Variants in PTPRA observed in about 807,000 individuals in gnomAD.
PTPRA encodes the protein protein tyrosine phosphatase receptor type A, also known as receptor-type tyrosine-protein phosphatase alpha.
PTPRA carries 25 observed loss-of-function variants against 104.8 expected under a neutral mutation model. That is an observed-to-expected ratio of 0.24 (90% CI 0.17 to 0.33). The LOEUF (loss-of-function observed/expected upper bound fraction) is 0.33. Ranked by LOEUF, PTPRA falls within the 10% of genes least tolerant of loss-of-function variation. The probability of loss-of-function intolerance (pLI) is 1.00; values close to 1 mark genes in which losing one functional copy is unlikely to be tolerated. For missense variants in PTPRA, 765 were observed against 1,015.3 expected (o/e 0.75, Z 3.35); for synonymous variants, 323 against 368.9 (o/e 0.88, Z 1.43).
rs1431575291 is a variant in PTPRA, at chr20:3,038,253, GCTT to G, written c.*123_*125del. 3 of 929,792 alleles carry G rather than the reference GCTT, an allele frequency of 3.2e-6. No homozygotes were observed. The highest frequency in any genetic ancestry group is 4.9e-6 in the Non-Finnish European group (3 of 610,434). The allele number at this position is 929,792 out of a possible 1,614,324, so 57.6% of individuals were successfully genotyped here. ...AACTGTTTTAGAAATTGGTACATAG[GCTT>G]CTATTACCTATTAGGTGGAAATTTT... On this transcript the variant is annotated 3_prime_UTR_variant, in exon 24 of 24. Coordinates refer to ENST00000399903, the MANE Select transcript of PTPRA (RefSeq NM_001385305.1).
intron 9 of PTPRA, among the ~76,000 whole-genome samples, chr20:2,996,803 T>C (rs2148221390): frequency 6.6e-6 from 1 of 152,302 alleles, no homozygotes; most frequent in Non-Finnish European, 1.5e-5. Flanking sequence ...TTTAAAAAGC[T>C]TTATATCAAA....
At chr20:3,036,321 A>G (rs2065798242) in intron 22 of PTPRA, among the ~76,000 whole-genome samples, 2 of 152,160 alleles carry the variant, frequency 1.3e-5, no homozygotes, top group African/African-American at 4.8e-5. Context: ...TTGAGGGGAA[A>G]AGTTGAATTT....
At chr20:2,995,482 G>A (rs1386459996) in intron 9 of PTPRA, among the ~76,000 whole-genome samples, 4 of 152,160 alleles carry the variant, frequency 2.6e-5, no homozygotes, top group African/African-American at 7.2e-5. Context: ...TTGCATTCTG[G>A]TAATGTGTGG....
At chr20:2,955,779 CA>C (rs1054063159) in intron 3 of PTPRA, 6 of 686,240 alleles carry the variant, frequency 8.7e-6, no homozygotes, top group Non-Finnish European at 1.1e-5. Flanking sequence ...CTGGCTAGCT[CA>C]TTGCTGCTTT....
the PTPRA span, chr20:2,866,603 G>A: frequency 1.2e-6 from 2 of 1,611,854 alleles, no homozygotes; most frequent in African/African-American, 2.7e-5. Flanking sequence ...CTCAAGCAAG[G>A]GGTTCCTCCC....
chr20:2,904,634 T>C (rs528372334), intron 1 of PTPRA, among the ~76,000 whole-genome samples: 1 of 148,068 alleles, frequency 6.8e-6, no homozygotes, highest in African/African-American at 2.5e-5. Flanking sequence ...CACCACTGCA[T>C]TCTAGCCTGG....
chr20:3,006,505 A>G lies in PTPRA; in HGVS notation c.830-839A>G, dbSNP rs150498096. Among the ~76,000 whole-genome samples the G allele has an allele frequency of 1.8e-4, 28 of 152,364 alleles. 1 individual carries two copies. The highest frequency in any genetic ancestry group is 6.7e-4 in the African/African-American group (28 of 41,590). On this transcript the variant is annotated intron_variant, in intron 10 of 23. Coordinates refer to ENST00000399903, the MANE Select transcript of PTPRA (RefSeq NM_001385305.1). ...CTAAAAATTTTATATTTCAGGGTAT[A>G]TCATACATTAGCATATGTGCATAAT...
chr20:2,867,537 TG>T, the PTPRA span, among the ~76,000 whole-genome samples: 2 of 148,530 alleles, frequency 1.3e-5, no homozygotes, highest in Non-Finnish European at 3.0e-5. Context: ...GGCACTCCAG[TG>T]CACCCCCTCT....
chr20:2,996,287 T>G (rs1336432438), intron 9 of PTPRA, among the ~76,000 whole-genome samples: 1 of 152,224 alleles, frequency 6.6e-6, no homozygotes, highest in Non-Finnish European at 1.5e-5. Flanking sequence ...AGCCCCTGCT[T>G]CTTCCTAGTT....
intron 1 of PTPRA, among the ~76,000 whole-genome samples, chr20:2,914,840 G>C (rs1214726483): frequency 1.3e-5 from 2 of 152,048 alleles, no homozygotes; most frequent in Non-Finnish European, 2.9e-5. Context: ...CACTTTTATG[G>C]TCATTCATGA....
intron 3 of PTPRA, among the ~76,000 whole-genome samples, chr20:2,961,015 T>C (rs931542167): frequency 6.6e-6 from 1 of 152,192 alleles, no homozygotes; most frequent in Non-Finnish European, 1.5e-5. Context: ...CCATCACTTA[T>C]TTATCCATTC....
chr20:2,916,984 G>T (rs1381259349), intron 1 of PTPRA, among the ~76,000 whole-genome samples: 1 of 135,396 alleles, frequency 7.4e-6, no homozygotes, highest in Admixed American at 7.9e-5. Flanking sequence ...TTGAGACAGA[G>T]TCTCCCTCTA....
chr20:2,864,873 C>T, the PTPRA span: 4 of 1,506,006 alleles, frequency 2.7e-6, no homozygotes, highest in African/African-American at 4.1e-5. This position sits in a 1 kb window ranked among gnomAD's most constrained non-coding sequence, Gnocchi z 5.2. Flanking sequence ...CAAGGCTGAC[C>T]CTGGCGACCC....
At position 2,988,482 on chromosome 20, in the gene PTPRA, CT is replaced by C. The variant is rs1437646712; in HGVS notation, c.738+11del. ...TTCAGGGAGGAATTCAACGTGAGTA[CT>C]TTGTTGAGGCTGGTGTATCAGCAGG... is the stretch of plus-strand genomic sequence containing the variant. On this transcript the variant is annotated intron_variant, in intron 9 of 23. Coordinates refer to ENST00000399903, the MANE Select transcript of PTPRA (RefSeq NM_001385305.1). 1 of 1,611,782 alleles carries C rather than the reference CT, an allele frequency of 6.2e-7. No homozygotes were observed. Among genetic ancestry groups the C allele is most frequent in the East Asian group, 2.2e-5 (1 of 44,804 alleles).
chr20:2,970,843 T>C (rs902163522), intron 5 of PTPRA, among the ~76,000 whole-genome samples: 2 of 152,196 alleles, frequency 1.3e-5, no homozygotes, highest in African/African-American at 4.8e-5. Context: ...CTTAAGTCTG[T>C]CTCGAATTTA....
At chr20:2,871,062 A>G (rs1033469058), upstream of PTPRA, among the ~76,000 whole-genome samples, 1 of 152,126 alleles carries the variant, frequency 6.6e-6, no homozygotes, top group East Asian at 1.9e-4. Flanking sequence ...TCTTCTTCCA[A>G]TGGAAACAGC....
At chr20:2,870,640 T>C (rs2089416867), upstream of PTPRA, among the ~76,000 whole-genome samples, 1 of 152,238 alleles carries the variant, frequency 6.6e-6, no homozygotes, top group South Asian at 2.1e-4. Context: ...AATGACTCAT[T>C]GTTCCATTTA....
chr20:2,971,805 G>A (rs1297046967), intron 5 of PTPRA, among the ~76,000 whole-genome samples: 1 of 151,972 alleles, frequency 6.6e-6, no homozygotes, highest in Non-Finnish European at 1.5e-5. Context: ...TTCTCTTTTG[G>A]TCTGTTTCTA....
Position 2,923,304 on chromosome 20 carries a change from G to A in PTPRA, c.-50+19G>A. ...AACTAAGGTAAGAGAAATAAAACCA[G>A]AACTGTGAGGAGGCTTTTGCCAGCC... On this transcript the variant is annotated intron_variant, in intron 2 of 23. Transcript: ENST00000399903. The A allele has an allele frequency of 7.8e-7, 1 of 1,282,374 alleles. No homozygotes were observed. The highest frequency in any genetic ancestry group is 1.2e-5 in the South Asian group (1 of 80,168). The allele number at this position is 1,282,374 out of a possible 1,614,324, so 79.4% of individuals were successfully genotyped here.
Sources: gnomAD v4.1 joint callset for allele counts (sites outside exome capture counted in the v4.1 genomes callset) on GRCh38, gnomAD v4.1.1 for gene constraint, Gnocchi (gnomAD v3.1) non-coding constraint, MANE v1.5 for transcripts, NCBI Gene and HGNC (gene_info 2026-07-23, HGNC 2026-07-21) for gene names.